ACCSL: variants seen among roughly 807,000 people sequenced by gnomAD.
The protein encoded by ACCSL is 1-aminocyclopropane-1-carboxylate synthase homolog (inactive) like.
In ACCSL, 55 loss-of-function variants were observed where a neutral mutation model predicts 61.7. The ratio of observed to expected loss-of-function variants is 0.89; its 90% CI spans 0.72 to 1.12. The LOEUF is 1.12. Ranked by LOEUF, ACCSL falls within the 50% of genes most tolerant of loss-of-function variation. The pLI is 0.00. For synonymous variants in ACCSL, 258 were observed against 264.3 expected (o/e 0.98, Z 0.23); for missense variants, 632 against 698.0 (o/e 0.91, Z 1.07).
the ACCSL span, among the ~76,000 whole-genome samples, chr11:44,033,661 T>G: frequency 9.5e-4 from 145 of 152,156 alleles, no homozygotes; most frequent in Middle Eastern, 0.02. Flanking sequence ...AACAAAACCC[T>G]TTTCTTTGTG....
chr11:43,963,449 C>T, the ACCSL span, among the ~76,000 whole-genome samples: 1 of 152,194 alleles, frequency 6.6e-6, no homozygotes. Flanking sequence ...ATCTCTTCTC[C>T]CTTCTCTCAG....
chr11:44,037,871 G>GCATCCATCCATCCATC, the ACCSL span, among the ~76,000 whole-genome samples: 11 of 149,280 alleles, frequency 7.4e-5, no homozygotes, highest in Admixed American at 7.4e-4. Flanking sequence ...ATCCATCCAT[G>GCATCCATCCATCCATC]CATCCATCCA....
At chr11:43,926,659 G>C in the ACCSL span, 1 of 310,404 alleles carries the variant, frequency 3.2e-6, no homozygotes, top group Non-Finnish European at 6.4e-6. Context: ...CTACAAAAGA[G>C]GTTTGTGTTC....
chr11:43,943,311 T>C, the ACCSL span: 1 of 1,442,224 alleles, frequency 6.9e-7, no homozygotes, highest in Non-Finnish European at 9.1e-7. This position sits in a 1 kb window ranked among gnomAD's most constrained non-coding sequence, Gnocchi z 4.8. Context: ...GCGTCCGCGG[T>C]CCGCGCGGGG....
the ACCSL span, among the ~76,000 whole-genome samples, chr11:43,993,768 A>G: frequency 6.6e-6 from 1 of 152,166 alleles, no homozygotes; most frequent in Admixed American, 6.5e-5. Context: ...AAGGATCCCT[A>G]TACTAACCAT....
At chr11:43,983,876 G>C in the ACCSL span, among the ~76,000 whole-genome samples, 2 of 152,140 alleles carry the variant, frequency 1.3e-5, no homozygotes, top group Non-Finnish European at 2.9e-5. Flanking sequence ...AGGACTTTGG[G>C]AGGCTGAGGC....
the ACCSL span, among the ~76,000 whole-genome samples, chr11:44,002,193 C>T: frequency 2.0e-5 from 3 of 152,198 alleles, no homozygotes; most frequent in African/African-American, 4.8e-5. Context: ...CCCAGACCAC[C>T]GGAAAGGGCC....
chr11:43,957,015 G>C, the ACCSL span, among the ~76,000 whole-genome samples: 1 of 152,142 alleles, frequency 6.6e-6, no homozygotes, highest in African/African-American at 2.4e-5. Flanking sequence ...GAAGAAAAAC[G>C]GGATAGAGGC....
In ACCSL at chr11:44,058,363, G is replaced by A. The variant is rs773546397; in HGVS notation, c.1374G>A (p.Arg458=). The A allele has an allele frequency of 2.6e-5, 42 of 1,613,996 alleles. No individual in the cohort carries two copies. In the East Asian group the frequency reaches 9.1e-4, roughly 35 times the overall value. ...VYLPTNCYRL[R]EAHKYITAEL... is the part of the protein sequence containing the mutation. ...TACCCACCAATTGCTACCGGCTCCG[G>A]GAAGCTCACAAGTACATCACTGCTG... The change falls in exon 12 of 14, where the codon CGG becomes CGA. Residue 458 remains arginine, a synonymous_variant. Transcript: ENST00000378832.
At chr11:43,922,128 G>A in the ACCSL span, 1 of 152,178 alleles carries the variant, frequency 6.6e-6, no homozygotes, top group African/African-American at 2.4e-5. Context: ...AACAGGTTTC[G>A]GTTTTGTTTT....
At chr11:43,959,746 G>A in the ACCSL span, among the ~76,000 whole-genome samples, 1 of 152,166 alleles carries the variant, frequency 6.6e-6, no homozygotes, top group African/African-American at 2.4e-5. Context: ...ATTCAGGCAG[G>A]CAGGGTTTGT....
the ACCSL span, among the ~76,000 whole-genome samples, chr11:44,024,465 G>C: frequency 1.3e-5 from 2 of 151,764 alleles, no homozygotes; most frequent in Non-Finnish European, 2.9e-5. Flanking sequence ...GTGTGTGTGT[G>C]TGTGTGTGTG....
At chr11:44,032,923 G>A in the ACCSL span, among the ~76,000 whole-genome samples, 2 of 152,204 alleles carry the variant, frequency 1.3e-5, no homozygotes, top group African/African-American at 2.4e-5. Context: ...GGAGACGCGG[G>A]TGGAGACTTC....
At chr11:43,944,313 G>T in the ACCSL span, 1 of 164,198 alleles carries the variant, frequency 6.1e-6, no homozygotes, top group Non-Finnish European at 1.4e-5. Flanking sequence ...AGCAATGCGA[G>T]ATGTTTGGGC....
chr11:43,941,856 C>T, the ACCSL span, among the ~76,000 whole-genome samples: 1 of 150,946 alleles, frequency 6.6e-6, no homozygotes. Flanking sequence ...GTAAAGCTCT[C>T]CAGATGGTAG....
chr11:43,989,529 G>A, the ACCSL span, among the ~76,000 whole-genome samples: 1 of 152,192 alleles, frequency 6.6e-6, no homozygotes, highest in Non-Finnish European at 1.5e-5. Flanking sequence ...CAGGCTCAGA[G>A]GGCCTGACCT....
At chr11:43,956,928 G>T in the ACCSL span, among the ~76,000 whole-genome samples, 4 of 152,154 alleles carry the variant, frequency 2.6e-5, no homozygotes, top group African/African-American at 9.7e-5. Flanking sequence ...GGGCACAGCA[G>T]TGAGGTGAAT....
the ACCSL span, among the ~76,000 whole-genome samples, chr11:43,955,188 G>T: frequency 3.4e-4 from 51 of 152,214 alleles, no homozygotes; most frequent in Middle Eastern, 3.4e-3. Context: ...TCAATTTTCT[G>T]CACCTCCCTT....
At chr11:43,933,346 G>T in the ACCSL span, 1 of 345,356 alleles carries the variant, frequency 2.9e-6, no homozygotes, top group Non-Finnish European at 5.8e-6. Context: ...AGCCCTCCCA[G>T]GGGGCAGCCA....
Sources: allele counts gnomAD v4.1 joint callset (sites outside exome capture counted in the v4.1 genomes callset), GRCh38; gene constraint gnomAD v4.1.1; non-coding constraint Gnocchi (gnomAD v3.1); transcripts MANE v1.5; gene names NCBI Gene and HGNC (gene_info 2026-07-23, HGNC 2026-07-21).